DYNC1I1: variants seen among roughly 807,000 people sequenced by gnomAD.
DYNC1I1 encodes the protein dynein cytoplasmic 1 intermediate chain 1.
A neutral mutation model predicts 86.6 loss-of-function variants in DYNC1I1; 43 were observed. That is an observed-to-expected ratio of 0.50 (90% CI 0.39 to 0.64). The LOEUF (loss-of-function observed/expected upper bound fraction) is 0.64, where lower values mean the gene tolerates loss of function less well. Ranked by LOEUF, DYNC1I1 falls within the 30% of genes least tolerant of loss-of-function variation. The probability of loss-of-function intolerance (pLI) is 0.00; values close to 1 mark genes in which losing one functional copy is unlikely to be tolerated. For missense variants in DYNC1I1, 604 were observed against 788.8 expected (o/e 0.77, Z 2.81); for synonymous variants, 262 against 283.7 (o/e 0.92, Z 0.77).
chr7:96,050,688 C>T (rs1418012694), intron 14 of DYNC1I1, among the ~76,000 whole-genome samples: 1 of 152,132 alleles, frequency 6.6e-6, no homozygotes, highest in African/African-American at 2.4e-5. Context: ...CCCATGATTG[C>T]CACTAGACCT....
chr7:96,021,932 T>G (rs146770649), intron 10 of DYNC1I1, among the ~76,000 whole-genome samples: 1 of 152,344 alleles, frequency 6.6e-6, no homozygotes, highest in African/African-American at 2.4e-5. Flanking sequence ...TTGTTTCCAC[T>G]TTTTAACAAT....
At chr7:95,813,748 A>G in intron 4 of DYNC1I1, among the ~76,000 whole-genome samples, 1 of 152,164 alleles carries the variant, frequency 6.6e-6, no homozygotes, top group Admixed American at 6.6e-5. Context: ...CTAATTCTAA[A>G]TTTAATTTTT....
rs868333499 is a variant in DYNC1I1 at position 95,898,220 on chromosome 7, G to T, written c.490+28222G>T. ...GAAACTCCACATGCCAAATGTTAAT[G>T]ATTTGAATATCAAACTTGGCCACCT... On this transcript the variant is annotated intron_variant, in intron 6 of 16. Coordinates refer to ENST00000447467, the MANE Select transcript of DYNC1I1 (RefSeq NM_001135556.2). Among the ~76,000 whole-genome samples the T allele has an allele frequency of 2.5e-4, 38 of 152,304 alleles. 1 individual carries two copies. Among genetic ancestry groups the T allele is most frequent in the African/African-American group, 7.7e-4 (32 of 41,576 alleles).
intron 4 of DYNC1I1, among the ~76,000 whole-genome samples, chr7:95,820,280 T>C (rs1404884180): frequency 2.0e-5 from 3 of 152,246 alleles, no homozygotes; most frequent in African/African-American, 7.2e-5. Context: ...AAACATTAAC[T>C]CATTATTTGA....
At chr7:96,102,631 C>T (rs1417703377), downstream of DYNC1I1, among the ~76,000 whole-genome samples, 2 of 152,086 alleles carry the variant, frequency 1.3e-5, no homozygotes, top group African/African-American at 4.8e-5. Context: ...TTGGGTGAGG[C>T]TCAGAATGGG....
At chr7:95,941,224 C>G (rs1792206297) in intron 6 of DYNC1I1, among the ~76,000 whole-genome samples, 1 of 151,948 alleles carries the variant, frequency 6.6e-6, no homozygotes, top group African/African-American at 2.4e-5. Context: ...GGGTGCCTCC[C>G]AGTTAGGCTG....
intron 2 of DYNC1I1, among the ~76,000 whole-genome samples, 192 bp downstream of exon 2, chr7:95,805,029 G>A (rs146487878): frequency 3.0e-4 from 45 of 152,248 alleles, no homozygotes; most frequent in Admixed American, 7.9e-4. Context: ...ACCTAAATGG[G>A]GGATAACATT....
chr7:95,890,516 C>T (rs191258663), intron 6 of DYNC1I1, among the ~76,000 whole-genome samples: 1 of 152,234 alleles, frequency 6.6e-6, no homozygotes, highest in East Asian at 1.9e-4. Flanking sequence ...AGAAAGTAAT[C>T]TGTTCAACAA....
chr7:96,056,763 T>C (rs1789589890), intron 14 of DYNC1I1, among the ~76,000 whole-genome samples: 1 of 152,060 alleles, frequency 6.6e-6, no homozygotes, highest in Admixed American at 6.6e-5. Flanking sequence ...AGTGTGTATA[T>C]ATATATGCAG....
chr7:95,812,400 GA>G (rs971175862), intron 3 of DYNC1I1, among the ~76,000 whole-genome samples: 17 of 152,236 alleles, frequency 1.1e-4, no homozygotes, highest in Non-Finnish European at 1.8e-4. Flanking sequence ...AAGGAAGGGG[GA>G]AAAAATTGCA....
chr7:96,002,817 G>T (rs912437370), intron 10 of DYNC1I1, among the ~76,000 whole-genome samples: 3 of 148,984 alleles, frequency 2.0e-5, no homozygotes, highest in Non-Finnish European at 4.5e-5. Flanking sequence ...TTTGGTTTTG[G>T]TTTTTTTTTG....
At chr7:95,944,244 T>C (rs1045047511) in intron 6 of DYNC1I1, among the ~76,000 whole-genome samples, 7 of 152,276 alleles carry the variant, frequency 4.6e-5, no homozygotes, top group Non-Finnish European at 1.0e-4. Flanking sequence ...CAAAAGAAGA[T>C]ATTTATGCAG....
At chr7:95,805,853 A>G (rs1794690693) in intron 2 of DYNC1I1, among the ~76,000 whole-genome samples, 1 of 152,218 alleles carries the variant, frequency 6.6e-6, no homozygotes, top group South Asian at 2.1e-4. Context: ...TTGATGCCTT[A>G]CAATCTAAAT....
At chr7:96,069,244 G>A (rs1409684110) in intron 14 of DYNC1I1, among the ~76,000 whole-genome samples, 1 of 152,200 alleles carries the variant, frequency 6.6e-6, no homozygotes, top group Non-Finnish European at 1.5e-5. Flanking sequence ...TAAAAATAGA[G>A]TTGGAGCAAA....
chr7:95,932,863 CTTTA>C (rs1281488813), intron 6 of DYNC1I1, among the ~76,000 whole-genome samples: 1 of 145,152 alleles, frequency 6.9e-6, no homozygotes, highest in Non-Finnish European at 1.5e-5. Context: ...GTCAGACTAT[CTTTA>C]TTTATTTTTT....
chr7:95,874,430 GAATTGACAAAAGAAAAA>G (rs1790251141), intron 6 of DYNC1I1, among the ~76,000 whole-genome samples: 1 of 152,074 alleles, frequency 6.6e-6, no homozygotes, highest in Non-Finnish European at 1.5e-5. Flanking sequence ...ATACTTGATA[GAATTGACAAAAGAAAAA>G]AAAGCCAGAG....
chr7:96,102,089 G>A (rs767111271), downstream of DYNC1I1, among the ~76,000 whole-genome samples: 21 of 151,882 alleles, frequency 1.4e-4, no homozygotes, highest in Non-Finnish European at 1.0e-4. Flanking sequence ...GATTAATAAG[G>A]CTTCTGGTAC....
rs369540269 is a variant in DYNC1I1 at position 95,823,758 on chromosome 7, T to C, written c.315-4299T>C. ...TACATATTTGTCTGCCTGGTTATTA[T>C]TGTTCTCACAACAAATTGTTAAGTT... is the stretch of plus-strand genomic sequence containing the variant. On this transcript the variant is annotated intron_variant, in intron 4 of 16. Coordinates refer to ENST00000447467, the MANE Select transcript of DYNC1I1 (RefSeq NM_001135556.2). 2.6e-5 allele frequency among the ~76,000 whole-genome samples: 4 copies of C among 151,812 alleles called. No individual in the cohort carries two copies. The East Asian group carries it at 5.8e-4, about 22-fold the overall frequency.
chr7:95,881,572 T>C (rs1432843412), intron 6 of DYNC1I1, among the ~76,000 whole-genome samples: 2 of 152,234 alleles, frequency 1.3e-5, no homozygotes, highest in Non-Finnish European at 2.9e-5. Context: ...AATGATCTCT[T>C]TCAATAGCTC....
Sources: allele counts gnomAD v4.1 joint callset (sites outside exome capture counted in the v4.1 genomes callset), GRCh38; gene constraint gnomAD v4.1.1; transcripts MANE v1.5; gene names NCBI Gene and HGNC (gene_info 2026-07-23, HGNC 2026-07-21).